Variants in GPATCH2L observed in about 807,000 individuals in gnomAD.
The protein encoded by GPATCH2L is G patch domain-containing protein 2-like.
A neutral mutation model predicts 57.4 loss-of-function variants in GPATCH2L; 31 were observed. That is an observed-to-expected ratio of 0.54 (90% CI 0.41 to 0.73). The LOEUF is 0.73. GPATCH2L is among the 30% of genes least tolerant of loss of function. GPATCH2L has a pLI of 0.00. For missense variants in GPATCH2L, 481 were observed against 599.9 expected (o/e 0.80, Z 2.07); for synonymous variants, 199 against 210.7 (o/e 0.94, Z 0.48).
At chr14:76,153,424 T>C in intron 1 of GPATCH2L, among the ~76,000 whole-genome samples, 1 of 152,208 alleles carries the variant, frequency 6.6e-6, no homozygotes, top group East Asian at 1.9e-4. Context: ...ACCCCTGAAG[T>C]GTGATGTTTG....
At chr14:76,152,939 C>CTTT in intron 1 of GPATCH2L, 5 of 315,174 alleles carry the variant, frequency 1.6e-5, no homozygotes, top group Admixed American at 8.5e-5. Context: ...TTTTAATCCA[C>CTTT]TTTTTTTTTT....
chr14:76,164,591 T>C (rs1303738801), intron 2 of GPATCH2L, among the ~76,000 whole-genome samples: 1 of 152,134 alleles, frequency 6.6e-6, no homozygotes, highest in Non-Finnish European at 1.5e-5. Context: ...AAAACACTGA[T>C]CTATAGATAG....
intron 2 of GPATCH2L, among the ~76,000 whole-genome samples, chr14:76,164,758 T>C (rs2038752350): frequency 6.6e-6 from 1 of 152,178 alleles, no homozygotes; most frequent in African/African-American, 2.4e-5. Context: ...GCAGTTGAGA[T>C]GAAAGCATTT....
At chr14:76,196,323 T>G in intron 9 of GPATCH2L, 1 of 589,162 alleles carries the variant, frequency 1.7e-6, no homozygotes, top group Non-Finnish European at 3.0e-6. Flanking sequence ...TTATTTACTT[T>G]CTTATTTTGC....
At chr14:76,163,302 C>G (rs2038684379) in intron 2 of GPATCH2L, among the ~76,000 whole-genome samples, 1 of 152,118 alleles carries the variant, frequency 6.6e-6, no homozygotes, top group Non-Finnish European at 1.5e-5. Flanking sequence ...TAGTATATTA[C>G]CTGGCCTGCA....
At chr14:76,228,912 G>A (rs754088691) in intron 1 of GPATCH2L, among the ~76,000 whole-genome samples, 2 of 152,150 alleles carry the variant, frequency 1.3e-5, no homozygotes, top group African/African-American at 4.8e-5. Flanking sequence ...GCCCACCATC[G>A]ACAGGGAAGC....
chr14:76,182,299 G>A (rs1172107624), intron 8 of GPATCH2L, among the ~76,000 whole-genome samples: 3 of 148,086 alleles, frequency 2.0e-5, no homozygotes, highest in African/African-American at 7.5e-5. Context: ...GGAGCTTGCA[G>A]TGAGCTGAGA....
At chr14:76,217,465 AG>A (rs902129611), downstream of GPATCH2L, among the ~76,000 whole-genome samples, 13 of 152,082 alleles carry the variant, frequency 8.5e-5, no homozygotes, top group African/African-American at 3.1e-4. Context: ...CTTTGGTAGA[AG>A]GGAATGTAAA....
intron 1 of GPATCH2L, among the ~76,000 whole-genome samples, chr14:76,222,296 A>G (rs893204290): frequency 6.6e-6 from 1 of 152,214 alleles, no homozygotes; most frequent in East Asian, 1.9e-4. Context: ...CTAGGAAAAT[A>G]CAATTTACCA....
At chr14:76,181,844 CTT>C (rs377342634) in intron 8 of GPATCH2L, among the ~76,000 whole-genome samples, 93 of 152,262 alleles carry the variant, frequency 6.1e-4, no homozygotes, top group African/African-American at 2.2e-3. Flanking sequence ...TCTGATGACT[CTT>C]TTTTATTCCT....
chr14:76,171,750 T>A, intron 3 of GPATCH2L, 93 bp from the exon 4 acceptor site: 3 of 743,308 alleles, frequency 4.0e-6, no homozygotes, highest in East Asian at 2.8e-5. Context: ...AAAAGGATGA[T>A]CAAAACTATG....
At position 76,212,716 on chromosome 14, in the gene GPATCH2L, T is replaced by G. The variant is rs17104265; in HGVS notation, c.*10865T>G. On this transcript the variant is annotated 3_prime_UTR_variant, in exon 10 of 10. Transcript: ENST00000261530. ...AAGTATCCATGAAACATTTCCCCAT[T>G]TGACTGTGTATTAGAGCGTACAGAA... 42,382 of 152,054 alleles carry G rather than the reference T, an allele frequency of 0.28. 5,953 individuals carry two copies. The highest frequency in any genetic ancestry group is 0.41 in the Middle Eastern group (122 of 294). The allele number at this position is 152,054 out of a possible 1,614,324, so 9.4% of individuals were successfully genotyped here.
rs771047108 is a variant in GPATCH2L at position 76,202,192 on chromosome 14, G to C, written c.*341G>C. On this transcript the variant is annotated 3_prime_UTR_variant, in exon 10 of 10. Transcript: ENST00000261530. ...CTTTGTTCTTGAAAAACCAGTAACT[G>C]CTTCTGCATACCTTTTGTGTAGAGC... 16 of 179,676 alleles carry C rather than the reference G, an allele frequency of 8.9e-5. No individual in the cohort carries two copies. Among genetic ancestry groups the C allele is most frequent in the Non-Finnish European group, 1.7e-4 (15 of 86,288 alleles). The allele number at this position is 179,676 out of a possible 1,614,324, so 11.1% of individuals were successfully genotyped here. A position where few individuals can be genotyped will look rare whatever the true frequency, so the allele number is the denominator to read the frequency against.
At chr14:76,229,259 A>G (rs1182656125) in intron 1 of GPATCH2L, among the ~76,000 whole-genome samples, 2 of 152,258 alleles carry the variant, frequency 1.3e-5, no homozygotes, top group East Asian at 3.8e-4. Flanking sequence ...CTCATATGCT[A>G]CATGCTGCTC....
At chr14:76,215,958 A>G (rs139697868), downstream of GPATCH2L, among the ~76,000 whole-genome samples, 361 of 152,156 alleles carry the variant, frequency 2.4e-3, no homozygotes, top group Non-Finnish European at 3.3e-3. Flanking sequence ...GAAAGCTTAA[A>G]CCTGGGAAAG....
intron 2 of GPATCH2L, among the ~76,000 whole-genome samples, chr14:76,162,614 A>G (rs888473979): frequency 1.3e-5 from 2 of 152,168 alleles, no homozygotes; most frequent in Non-Finnish European, 2.9e-5. Context: ...CTAGCCTTGT[A>G]TGATGCTAAA....
chr14:76,196,393 T>C (rs2139806163), intron 9 of GPATCH2L: 1 of 290,432 alleles, frequency 3.4e-6, no homozygotes, highest in East Asian at 6.0e-5. Flanking sequence ...TTACTGGTCA[T>C]GACATTCCTA....
chr14:76,228,199 G>A (rs2040544372), intron 1 of GPATCH2L, among the ~76,000 whole-genome samples: 2 of 152,126 alleles, frequency 1.3e-5, no homozygotes, highest in Non-Finnish European at 2.9e-5. Flanking sequence ...TAATAAAGTG[G>A]TATTGTTTCC....
chr14:76,164,085 G>T (rs902579802), intron 2 of GPATCH2L, among the ~76,000 whole-genome samples: 1 of 152,136 alleles, frequency 6.6e-6, no homozygotes, highest in Non-Finnish European at 1.5e-5. Context: ...GGAGGCTTCA[G>T]ATCATTTGAG....
Sources: allele counts gnomAD v4.1 joint callset (sites outside exome capture counted in the v4.1 genomes callset), GRCh38; gene constraint gnomAD v4.1.1; transcripts MANE v1.5; gene names NCBI Gene and HGNC (gene_info 2026-07-23, HGNC 2026-07-21).